The following RAB11FIP5 variants were observed in gnomAD, a reference collection of about 807,000 sequenced individuals.
The protein encoded by RAB11FIP5 is RAB11 family interacting protein 5.
Under a neutral mutation model 85.1 loss-of-function variants are expected in RAB11FIP5, and 48 were observed. That is an observed-to-expected ratio of 0.56 (90% confidence interval 0.45 to 0.72). The LOEUF (loss-of-function observed/expected upper bound fraction) is 0.72, where lower values mean the gene tolerates loss of function less well. Among genes scored for constraint, RAB11FIP5 ranks in the 30% least tolerant of loss-of-function variants. RAB11FIP5 has a pLI of 0.00. For synonymous variants in RAB11FIP5, 729 were observed against 727.3 expected (o/e 1.00, Z -0.04); for missense variants, 1,491 against 1,687.0 (o/e 0.88, Z 2.04).
intron 1 of RAB11FIP5, among the ~76,000 whole-genome samples, chr2:73,096,136 C>A (rs114924093): frequency 2.0e-5 from 3 of 152,238 alleles, no homozygotes; most frequent in Admixed American, 6.5e-5. Flanking sequence ...AGCCTCCCCC[C>A]ACCCACCACC....
At chr2:73,092,348 G>A (rs547008329) in intron 1 of RAB11FIP5, among the ~76,000 whole-genome samples, 117 of 152,334 alleles carry the variant, frequency 7.7e-4, no homozygotes, top group South Asian at 2.1e-3. Context: ...ACACCACAGC[G>A]GTAATGCAAT....
Position 73,079,631 on chromosome 2 carries a change from T to A in RAB11FIP5, c.3581+20A>T, listed in dbSNP as rs1683928327. The A allele has an allele frequency of 8.1e-7, 1 of 1,232,658 alleles. No individual in the cohort carries two copies. Among genetic ancestry groups the A allele is most frequent in the Non-Finnish European group, 1.0e-6 (1 of 988,478 alleles). 76.4% of individuals were successfully genotyped at this position (1,232,658 alleles called of 1,614,324 possible). ...TCCACCCCCTTCCTCCTGGACAGTG[T>A]TCTGGGGGTGGATGCTCACCTGGCA... On this transcript the variant is annotated intron_variant, in intron 4 of 5. Transcript: ENST00000486777.
At chr2:73,092,269 G>C (rs549223264) in intron 1 of RAB11FIP5, among the ~76,000 whole-genome samples, 2 of 152,230 alleles carry the variant, frequency 1.3e-5, no homozygotes, top group Non-Finnish European at 2.9e-5. Context: ...ACTAGGATCA[G>C]CAAGCACAGC....
In RAB11FIP5 at chr2:73,088,997, G is replaced by C. The variant is rs371020386; in HGVS notation, c.750C>G (p.Thr250=). The change falls in exon 2 of 6, where the codon ACC becomes ACG. Residue 250 remains threonine (T), a synonymous_variant. Transcript: ENST00000486777. The part of the protein sequence containing the change: ...LRKSSLTQSN[T]SLGSDSTLSS... ...ACAGGGTGCTGTCCGAGCCCAGCGAGGTGTTGGACTGGGTCAGGGACGACT... is the reference window on the plus strand; with the variant it reads ...ACAGGGTGCTGTCCGAGCCCAGCGACGTGTTGGACTGGGTCAGGGACGACT... The C allele has an allele frequency of 6.2e-7, 1 of 1,614,116 alleles. No homozygotes were observed. The highest frequency in any genetic ancestry group is 1.7e-5 in the Admixed American group (1 of 60,014).
chr2:73,087,565 T>C (rs1357407785), intron 3 of RAB11FIP5, among the ~76,000 whole-genome samples: 1 of 152,072 alleles, frequency 6.6e-6, no homozygotes, highest in Non-Finnish European at 1.5e-5. Context: ...GTTATTTGAC[T>C]CCCGTCTCCC....
At chr2:73,096,046 C>A (rs1684312495) in intron 1 of RAB11FIP5, among the ~76,000 whole-genome samples, 1 of 152,246 alleles carries the variant, frequency 6.6e-6, no homozygotes, top group Non-Finnish European at 1.5e-5. Context: ...GGGCCCCCTG[C>A]TAAGCTAGAA....
Position 73,088,471 on chromosome 2 carries a change from T to C in RAB11FIP5, c.1147A>G (p.Thr383Ala), listed in dbSNP as rs1475965219. 7.4e-6 allele frequency: 12 copies of C among 1,613,808 alleles called. No homozygotes were observed. The highest frequency in any genetic ancestry group is 5.3e-5 in the African/African-American group (4 of 74,904). Residue 383 changes from threonine (T) to alanine (A), a missense_variant, in exon 3 of 6, where the codon ACA (threonine) becomes GCA (alanine). Physicochemically the swap from Thr to Ala is moderately conservative, Grantham distance 58. This residue lies in a region of RAB11FIP5 where 1,211 missense variants were observed against 1,338.0 expected (regional missense o/e 0.91). Transcript: ENST00000486777. ...SRFSEEGPRS[T>A]DDTWPRGSRS... ...CTGCCTCTGGGCCAGGTGTCATCTGTGGAACGAGGCCCCTCCTCGGAGAAC... is the reference window on the plus strand; with the variant it reads ...CTGCCTCTGGGCCAGGTGTCATCTGCGGAACGAGGCCCCTCCTCGGAGAAC...
At chr2:73,103,657 T>C (rs1684470405) in intron 1 of RAB11FIP5, among the ~76,000 whole-genome samples, 1 of 152,086 alleles carries the variant, frequency 6.6e-6, no homozygotes, top group Admixed American at 6.5e-5. Flanking sequence ...CAGGGAAGAA[T>C]GAAATGAGGT....
At chr2:73,083,741 C>T (rs983688352) in intron 3 of RAB11FIP5, among the ~76,000 whole-genome samples, 12 of 152,150 alleles carry the variant, frequency 7.9e-5, no homozygotes, top group Admixed American at 7.9e-4. Flanking sequence ...CAACATACAC[C>T]ACCACCAGGT....
rs1259550980 is a variant in RAB11FIP5 at position 73,081,532 on chromosome 2, G to A, written c.1700C>T (p.Ala567Val). Residue 567 changes from alanine (A) to valine (V), a missense_variant, in exon 4 of 6, where the codon GCA (alanine) becomes GTA (valine). By Grantham distance (64) the Ala-to-Val change is moderately conservative (BLOSUM62 0). Around this residue, in one of 3 missense-constraint regions of RAB11FIP5, gnomAD observed 1,211 missense variants for 1,338.0 expected, o/e 0.91. Transcript: ENST00000486777. This position sits in a 1 kb window ranked among gnomAD's most constrained non-coding sequence, Gnocchi z 4.2. Reference protein sequence around the residue: ...AAPMLSTNLFAAASPAAATAA... With the variant: ...AAPMLSTNLFVAASPAAATAA... ...AGTGGCAGCAGCGGGGGAGGCGGCT[G>A]CAAAAAGGTTAGTGCTTAGCATGGG... The A allele has an allele frequency of 4.9e-6, 6 of 1,223,170 alleles. No individual in the cohort carries two copies. The highest frequency in any genetic ancestry group is 4.7e-5 in the African/African-American group (3 of 64,152). The allele number at this position is 1,223,170 out of a possible 1,614,324, so 75.8% of individuals were successfully genotyped here.
Position 73,089,714 on chromosome 2 carries a change from C to T in RAB11FIP5, c.432-399G>A, listed in dbSNP as rs1372115058. The T allele has an allele frequency of 3.5e-5, 12 of 341,330 alleles. No homozygotes were observed. The highest frequency in any genetic ancestry group is 2.1e-4 in the South Asian group (9 of 42,402). 21.1% of individuals were successfully genotyped at this position (341,330 alleles called of 1,614,324 possible). ...CTGGGAGAGCCCTCCCATCTCCAGG[C>T]CCCAGCACAGACAGACCTACCCACA... On this transcript the variant is annotated intron_variant, in intron 1 of 5. Transcript: ENST00000486777. The surrounding 1 kb of genome is among the most constrained non-coding windows in gnomAD (Gnocchi z 4.6).
Position 73,089,253 on chromosome 2 carries a change from G to A in RAB11FIP5, c.494C>T (p.Thr165Ile), listed in dbSNP as rs202093543. ...KEKERGEIEV[T>I]IQFTRNNLSA... Reference sequence around the variant, plus strand: ...CAGGTTGTTGCGCGTGAACTGGATGGTGACTTCAATCTCGCCGCGTTCCTT... The same window carrying A: ...CAGGTTGTTGCGCGTGAACTGGATGATGACTTCAATCTCGCCGCGTTCCTT... The change falls in exon 2 of 6, where the codon ACC becomes ATC. Residue 165 changes from threonine to isoleucine, a missense_variant. Physicochemically the swap from Thr to Ile is moderately conservative, Grantham distance 89. This residue lies in a region of RAB11FIP5 where 1,211 missense variants were observed against 1,338.0 expected (regional missense o/e 0.91). Coordinates refer to ENST00000486777, the MANE Select transcript of RAB11FIP5 (RefSeq NM_001371272.1). This position sits in a 1 kb window ranked among gnomAD's most constrained non-coding sequence, Gnocchi z 4.6. 2 of 1,614,146 alleles carry A rather than the reference G, an allele frequency of 1.2e-6. No individual in the cohort carries two copies. Among genetic ancestry groups the A allele is most frequent in the Admixed American group, 1.7e-5 (1 of 60,024 alleles).
Position 73,080,678 on chromosome 2 carries a change from G to A in RAB11FIP5, c.2554C>T (p.Arg852Trp), listed in dbSNP as rs374907712. ...GGAGCAGGCTCATCAGACTCTCCCC[G>A]AAAGACTAGTGAGGCTGTCTCAGCT... ...PAAETASLVF[R>W]GESDEPAPQV... The change falls in exon 4 of 6, where the codon CGG (arginine) becomes TGG (tryptophan). Residue 852 changes from arginine to tryptophan, a missense_variant. Around this residue, in one of 3 missense-constraint regions of RAB11FIP5, gnomAD observed 1,211 missense variants for 1,338.0 expected, o/e 0.91. Coordinates refer to ENST00000486777, the MANE Select transcript of RAB11FIP5 (RefSeq NM_001371272.1). 8.8e-5 allele frequency: 108 copies of A among 1,232,428 alleles called. No homozygotes were observed. The highest frequency in any genetic ancestry group is 9.1e-5 in the Non-Finnish European group (90 of 988,054). 76.3% of individuals were successfully genotyped at this position (1,232,428 alleles called of 1,614,324 possible).
At chr2:73,095,073 C>T (rs1488412873) in intron 1 of RAB11FIP5, among the ~76,000 whole-genome samples, 3 of 152,134 alleles carry the variant, frequency 2.0e-5, no homozygotes, top group African/African-American at 7.2e-5. Flanking sequence ...GCACATCCTT[C>T]ACTGCAGGAA....
Position 73,089,882 on chromosome 2 carries a change from TACACACACACACACACACAC to T in RAB11FIP5, c.432-587_432-568del, listed in dbSNP as rs58907775. 3.4e-5 allele frequency among the ~76,000 whole-genome samples: 5 copies of T among 148,126 alleles called. No individual in the cohort carries two copies. The highest frequency in any genetic ancestry group is 1.0e-4 in the African/African-American group (4 of 40,146). On this transcript the variant is annotated intron_variant, in intron 1 of 5. Transcript: ENST00000486777. The surrounding 1 kb of genome is among the most constrained non-coding windows in gnomAD (Gnocchi z 4.6). ...GCTAGTGCATACACTCATGTATGTA[TACACACACACACACACACAC>T]ACACACACACACACCTCACTCACAC...
rs1322101869 is a variant in RAB11FIP5 at position 73,075,698 on chromosome 2, G to A, written c.3798C>T (p.Ala1266=). 7 of 1,611,108 alleles carry A rather than the reference G, an allele frequency of 4.3e-6. No individual in the cohort carries two copies. Among genetic ancestry groups the A allele is most frequent in the Non-Finnish European group, 1.7e-6 (2 of 1,178,736 alleles). Residue 1266 remains alanine (A), a synonymous_variant, in exon 6 of 6, where the codon GCC becomes GCT. Transcript: ENST00000486777. This position sits in a 1 kb window ranked among gnomAD's most constrained non-coding sequence, Gnocchi z 4.6. ...LKDSAVLDQS[A]KYYHLTHDEL... ...CATCGTGGGTCAGGTGGTAGTACTT[G>A]GCCGACTGGTCCAGCACAGCTGAGT... is the stretch of plus-strand genomic sequence containing the variant.
intron 1 of RAB11FIP5, among the ~76,000 whole-genome samples, chr2:73,107,916 C>T (rs1684562184): frequency 6.6e-6 from 1 of 152,186 alleles, no homozygotes; most frequent in Non-Finnish European, 1.5e-5. Context: ...TGTGGGGTCA[C>T]GCACCATCTG....
chr2:73,099,385 A>G lies in RAB11FIP5; in HGVS notation c.432-10070T>C, dbSNP rs528361179. 9.1e-4 allele frequency among the ~76,000 whole-genome samples: 138 copies of G among 152,330 alleles called. 1 individual carries two copies. In the Middle Eastern group the frequency reaches 0.01, roughly 11 times the overall value. The stretch of plus-strand genomic sequence containing the variant: ...TTTGCAATGCTGTATATTTAAAGAC[A>G]TTCTGAGGAGTCCATGGCACCAAAA... On this transcript the variant is annotated intron_variant, in intron 1 of 5. Coordinates refer to ENST00000486777, the MANE Select transcript of RAB11FIP5 (RefSeq NM_001371272.1).
chr2:73,088,689 G>T lies in RAB11FIP5; in HGVS notation c.929C>A (p.Ala310Asp), dbSNP rs979547796. ...FTHKRTYSDE[A>D]NQMRVAPPRA... ...AGGAGGAGCCACTCGCATCTGGTTGGCCTCATCGCTGTAGGTCCTCTTATG... is the reference window on the plus strand; with the variant it reads ...AGGAGGAGCCACTCGCATCTGGTTGTCCTCATCGCTGTAGGTCCTCTTATG... The change falls in exon 3 of 6, where the codon GCC (alanine) becomes GAC (aspartate). Residue 310 changes from alanine to aspartate, a missense_variant. Physicochemically the swap from Ala to Asp is moderately radical, Grantham distance 126. This residue lies in a region of RAB11FIP5 where 1,211 missense variants were observed against 1,338.0 expected (regional missense o/e 0.91). Transcript: ENST00000486777. 6 of 1,612,682 alleles carry T rather than the reference G, an allele frequency of 3.7e-6. No homozygotes were observed. Among genetic ancestry groups the T allele is most frequent in the Admixed American group, 1.7e-5 (1 of 59,986 alleles).
Sources: gnomAD v4.1 joint callset for allele counts (sites outside exome capture counted in the v4.1 genomes callset) on GRCh38, gnomAD v4.1.1 for gene constraint, gnomAD v4.1.1 regional missense constraint, Gnocchi (gnomAD v3.1) non-coding constraint, MANE v1.5 for transcripts, NCBI Gene and HGNC (gene_info 2026-07-23, HGNC 2026-07-21) for gene names.